Variants in FAM171B observed in about 807,000 individuals in gnomAD.
FAM171B encodes protein FAM171B.
In FAM171B, 19 loss-of-function variants were observed where a neutral mutation model predicts 75.6. The ratio of observed to expected loss-of-function variants is 0.25; its 90% CI spans 0.18 to 0.37. The LOEUF (loss-of-function observed/expected upper bound fraction) is 0.37, where lower values mean the gene tolerates loss of function less well. Ranked by LOEUF, FAM171B falls within the 10% of genes least tolerant of loss-of-function variation. FAM171B has a pLI of 1.00. For missense variants in FAM171B, 848 were observed against 982.4 expected (o/e 0.86, Z 1.83); for synonymous variants, 367 against 361.7 (o/e 1.01, Z -0.17).
chr2:186,705,183 G>A (rs1412063865), intron 1 of FAM171B, among the ~76,000 whole-genome samples: 2 of 152,216 alleles, frequency 1.3e-5, no homozygotes, highest in Non-Finnish European at 2.9e-5. Flanking sequence ...GGGCAGTTTT[G>A]CAGTCATATT....
intron 1 of FAM171B, among the ~76,000 whole-genome samples, chr2:186,731,412 A>G (rs1412586925): frequency 1.3e-5 from 2 of 152,222 alleles, no homozygotes; most frequent in Non-Finnish European, 2.9e-5. Flanking sequence ...TCCAGCAACC[A>G]TTAGCATCTC....
intron 4 of FAM171B, 140 bp from the exon 5 acceptor site, chr2:186,750,994 A>T (rs137987928): frequency 7.9e-5 from 43 of 542,670 alleles, no homozygotes; most frequent in African/African-American, 7.1e-4. Context: ...AAAAATCCTT[A>T]ATGTGTATTC....
chr2:186,738,567 G>A (rs916152951), intron 1 of FAM171B, among the ~76,000 whole-genome samples: 1 of 152,068 alleles, frequency 6.6e-6, no homozygotes, highest in Non-Finnish European at 1.5e-5. Flanking sequence ...GACAAAGATA[G>A]AAGTTCTCAC....
chr2:186,735,357 A>T (rs1690184834), intron 1 of FAM171B, among the ~76,000 whole-genome samples: 1 of 152,202 alleles, frequency 6.6e-6, no homozygotes, highest in African/African-American at 2.4e-5. Context: ...GGAGCCATCA[A>T]TTCAGACATT....
At chr2:186,732,873 C>T (rs1205271373) in intron 1 of FAM171B, among the ~76,000 whole-genome samples, 1 of 152,188 alleles carries the variant, frequency 6.6e-6, no homozygotes, top group Non-Finnish European at 1.5e-5. Context: ...CATGCTTGGG[C>T]CCACTCACCC....
intron 1 of FAM171B, among the ~76,000 whole-genome samples, chr2:186,722,750 T>C (rs1310614618): frequency 6.6e-6 from 1 of 152,170 alleles, no homozygotes; most frequent in Non-Finnish European, 1.5e-5. Context: ...GCCATCCCAG[T>C]TGGTACAGAC....
intron 1 of FAM171B, among the ~76,000 whole-genome samples, chr2:186,706,315 C>T (rs1219105862): frequency 1.3e-5 from 2 of 152,154 alleles, no homozygotes; most frequent in Non-Finnish European, 2.9e-5. Context: ...CTATTTTTAT[C>T]ACCAATGCTG....
chr2:186,752,146 T>G (rs1423092462), intron 5 of FAM171B, among the ~76,000 whole-genome samples: 1 of 152,198 alleles, frequency 6.6e-6, no homozygotes, highest in East Asian at 1.9e-4. Context: ...GCAGAAGCCC[T>G]TGGACTCACT....
At chr2:186,719,871 A>G (rs778394405) in intron 1 of FAM171B, among the ~76,000 whole-genome samples, 2 of 152,254 alleles carry the variant, frequency 1.3e-5, no homozygotes, top group Admixed American at 6.5e-5. Context: ...TTTTGATTAA[A>G]GCATTGTTTC....
rs1690628337 is a variant in FAM171B, at chr2:186,762,155, A to G, written c.1813A>G (p.Ile605Val). The G allele has an allele frequency of 6.2e-7, 1 of 1,613,546 alleles. No homozygotes were observed. ...GCCCCCAGATGCCAGGGAAGAGGAT[A>G]TCATACTTGAAGGTCAACAGAGCCT... ...AQPPDAREED[I>V]ILEGQQSLPS... The change falls in exon 8 of 8, where the codon ATC (isoleucine) becomes GTC (valine). Residue 605 changes from isoleucine (I) to valine (V), a missense_variant. Physicochemically the swap from Ile to Val is conservative, Grantham distance 29. This residue lies in a region of FAM171B where 665 missense variants were observed against 729.0 expected (regional missense o/e 0.91). Coordinates refer to ENST00000304698, the MANE Select transcript of FAM171B (RefSeq NM_177454.4). The surrounding 1 kb of genome is among the most constrained non-coding windows in gnomAD (Gnocchi z 4.0).
chr2:186,694,832 T>C (rs867550516), intron 1 of FAM171B, among the ~76,000 whole-genome samples: 45 of 151,838 alleles, frequency 3.0e-4, no homozygotes, highest in Admixed American at 1.4e-3. Context: ...TCTCTATCCT[T>C]TTCTCTCCTA....
At chr2:186,745,720 G>C (rs1690356636) in intron 3 of FAM171B, among the ~76,000 whole-genome samples, 1 of 152,160 alleles carries the variant, frequency 6.6e-6, no homozygotes, top group Non-Finnish European at 1.5e-5. Context: ...GAAAATTTAG[G>C]AATGTACAAA....
At chr2:186,750,667 T>C (rs1243889532) in intron 4 of FAM171B, among the ~76,000 whole-genome samples, 1 of 152,210 alleles carries the variant, frequency 6.6e-6, no homozygotes, top group East Asian at 1.9e-4. Flanking sequence ...CAACTTTTAA[T>C]CTGAATGCTT....
chr2:186,756,097 T>TATATAAGATAGCTTTATG (rs1690527799), intron 6 of FAM171B, among the ~76,000 whole-genome samples: 1 of 145,842 alleles, frequency 6.9e-6, no homozygotes, highest in African/African-American at 2.5e-5. Context: ...ATAACTGAAT[T>TATATAAGATAGCTTTATG]ATATAAGATA....
intron 1 of FAM171B, chr2:186,695,031 T>C (rs1168968185): frequency 6.6e-6 from 1 of 152,106 alleles, no homozygotes; most frequent in Non-Finnish European, 1.5e-5. Context: ...TACAATAAGA[T>C]GAAGCAAAAC....
At chr2:186,755,305 A>G (rs1053017528) in intron 6 of FAM171B, among the ~76,000 whole-genome samples, 1 of 152,230 alleles carries the variant, frequency 6.6e-6, no homozygotes, top group Non-Finnish European at 1.5e-5. Context: ...GTCAATTATG[A>G]TAGCTTATTT....
rs772586234 is a variant in FAM171B at position 186,761,482 on chromosome 2, C to T, written c.1140C>T (p.Asp380=). 21 of 1,558,704 alleles carry T rather than the reference C, an allele frequency of 1.3e-5. No homozygotes were observed. In the South Asian group the frequency reaches 1.9e-4, roughly 14 times the overall value. The change falls in exon 8 of 8, where the codon GAC becomes GAT. Residue 380 remains aspartate, a synonymous_variant. Coordinates refer to ENST00000304698, the MANE Select transcript of FAM171B (RefSeq NM_177454.4). The part of the protein sequence containing the change: ...FFAVLLCYCR[D]KCGTPQKRER... ...TTTGCCTTCTCTTCTACTCTAGGGA[C>T]AAGTGTGGTACTCCACAGAAAAGAG... is the stretch of plus-strand genomic sequence containing the variant.
At chr2:186,730,314 GGT>G (rs1282958022) in intron 1 of FAM171B, among the ~76,000 whole-genome samples, 24 of 152,214 alleles carry the variant, frequency 1.6e-4, no homozygotes, top group Admixed American at 1.5e-3. Context: ...ATGTCTTACA[GGT>G]GTGTATTAGG....
At chr2:186,741,674 C>T (rs1690290089) in intron 2 of FAM171B, among the ~76,000 whole-genome samples, 1 of 152,038 alleles carries the variant, frequency 6.6e-6, no homozygotes, top group African/African-American at 2.4e-5. Flanking sequence ...TTAATATTGT[C>T]AAACAAGATA....
Sources: allele counts gnomAD v4.1 joint callset (sites outside exome capture counted in the v4.1 genomes callset), GRCh38; gene constraint gnomAD v4.1.1; regional missense constraint gnomAD v4.1.1; non-coding constraint Gnocchi (gnomAD v3.1); transcripts MANE v1.5; gene names NCBI Gene and HGNC (gene_info 2026-07-23, HGNC 2026-07-21).